The following PSMD1 variants were observed in gnomAD, a reference collection of about 807,000 sequenced individuals.
PSMD1 encodes the protein 26S proteasome non-ATPase regulatory subunit 1.
In PSMD1, 18 loss-of-function variants were observed where a neutral mutation model predicts 119.0. The observed-to-expected ratio is 0.15, with a 90% CI of 0.10 to 0.22. The LOEUF (loss-of-function observed/expected upper bound fraction) is 0.22. PSMD1 is among the 10% of genes least tolerant of loss of function. The probability of loss-of-function intolerance (pLI) is 1.00; values close to 1 mark genes in which losing one functional copy is unlikely to be tolerated. For synonymous variants in PSMD1, 374 were observed against 396.6 expected (o/e 0.94, Z 0.68); for missense variants, 702 against 1,158.5 (o/e 0.61, Z 5.72).
At chr2:231,071,265 C>G (rs1157115123) in intron 6 of PSMD1, among the ~76,000 whole-genome samples, 5 of 151,536 alleles carry the variant, frequency 3.3e-5, no homozygotes, top group African/African-American at 1.2e-4. Flanking sequence ...TGTTTTATTC[C>G]TTATCTTTTT....
intron 16 of PSMD1, among the ~76,000 whole-genome samples, chr2:231,127,303 T>C (rs1408547268): frequency 6.6e-6 from 1 of 152,000 alleles, no homozygotes; most frequent in Non-Finnish European, 1.5e-5. Context: ...AATTTAAATG[T>C]ATAAACATGT....
intron 16 of PSMD1, among the ~76,000 whole-genome samples, chr2:231,092,740 C>T (rs369088568): frequency 2.0e-5 from 3 of 152,160 alleles, no homozygotes; most frequent in African/African-American, 7.2e-5. Context: ...CCATGACAGA[C>T]CTCCCAGCCA....
intron 1 of PSMD1, among the ~76,000 whole-genome samples, chr2:231,059,033 A>C (rs956993775): frequency 2.6e-4 from 39 of 152,292 alleles, no homozygotes; most frequent in South Asian, 1.0e-3. Flanking sequence ...GCATGGCAGA[A>C]ATTCAAAAGT....
Position 231,062,749 on chromosome 2 carries a change from TC to T in PSMD1, c.304+76del, listed in dbSNP as rs1379011369. 7.2e-6 allele frequency: 9 copies of T among 1,255,852 alleles called. No homozygotes were observed. In the South Asian group the frequency reaches 2.3e-4, roughly 32 times the overall value. The allele number at this position is 1,255,852 out of a possible 1,614,324, so 77.8% of individuals were successfully genotyped here. A position where few individuals can be genotyped will look rare whatever the true frequency, so the allele number is the denominator to read the frequency against. On this transcript the variant is annotated intron_variant, in intron 4 of 24. Coordinates refer to ENST00000308696, the MANE Select transcript of PSMD1 (RefSeq NM_002807.4). ...GCTGTAGTGCACATAGAAGCTTTTT[TC>T]CTGAATTTGATGTTGCCAAATTTCA...
rs199961135 is a variant in PSMD1 at position 231,075,602 on chromosome 2, C to G, written c.942+31C>G. 3.1e-5 allele frequency: 49 copies of G among 1,593,206 alleles called. No homozygotes were observed. The Admixed American group carries it at 8.4e-4, about 27-fold the overall frequency. ...TGTGCTTTTTTTTTTTCCTTTGAGACAGGGTCCTGATCTGTCACCCAGGCT... is the reference window on the plus strand; with the variant it reads ...TGTGCTTTTTTTTTTTCCTTTGAGAGAGGGTCCTGATCTGTCACCCAGGCT... On this transcript the variant is annotated intron_variant, in intron 8 of 24. Coordinates refer to ENST00000308696, the MANE Select transcript of PSMD1 (RefSeq NM_002807.4).
chr2:231,102,896 A>T (rs7595464), intron 16 of PSMD1, among the ~76,000 whole-genome samples: 1 of 146,230 alleles, frequency 6.8e-6, no homozygotes, highest in African/African-American at 2.4e-5. Flanking sequence ...TAGCTTATTT[A>T]TTATATTTGT....
chr2:231,076,990 A>G (rs767748534), intron 8 of PSMD1, 44 bp from the exon 9 acceptor site: 2 of 1,559,762 alleles, frequency 1.3e-6, no homozygotes, highest in Non-Finnish European at 1.7e-6. Flanking sequence ...GATTATAGTA[A>G]TACTGTTTAT....
At chr2:231,075,720 A>T (rs1694146113) in intron 8 of PSMD1, 149 bp downstream of exon 8, 1 of 653,718 alleles carries the variant, frequency 1.5e-6, no homozygotes, top group Non-Finnish European at 2.6e-6. Flanking sequence ...AATGGCTGGG[A>T]TTGCAGGCAT....
At chr2:231,118,081 G>A (rs1456498431) in intron 16 of PSMD1, among the ~76,000 whole-genome samples, 1 of 152,108 alleles carries the variant, frequency 6.6e-6, no homozygotes, top group Non-Finnish European at 1.5e-5. Flanking sequence ...ATCTTGAACA[G>A]ATTACTTATC....
chr2:231,156,279 CCT>C (rs1328413203), intron 19 of PSMD1, among the ~76,000 whole-genome samples: 2 of 152,070 alleles, frequency 1.3e-5, no homozygotes, highest in South Asian at 2.1e-4. Context: ...TCCAATTTCC[CCT>C]GTTATTGGCA....
Position 231,165,889 on chromosome 2 carries a change from G to A in PSMD1, c.2587G>A (p.Glu863Lys). 1 of 1,611,848 alleles carries A rather than the reference G, an allele frequency of 6.2e-7. No individual in the cohort carries two copies. Among genetic ancestry groups the A allele is most frequent in the Non-Finnish European group, 8.5e-7 (1 of 1,178,628 alleles). The part of the protein sequence containing the change: ...KMEVDEAEKK[E>K]EKEKKKEPEP... ...TTTATAGGATGAGGCAGAGAAAAAGGAGGAAAAAGAGAAGAAAAAAGAACC... is the reference window on the plus strand; with the variant it reads ...TTTATAGGATGAGGCAGAGAAAAAGAAGGAAAAAGAGAAGAAAAAAGAACC... Residue 863 changes from glutamate (E) to lysine (K), a missense_variant, in exon 23 of 25, where the codon GAG becomes AAG. Glu to Lys is a moderately conservative substitution (Grantham distance 56, BLOSUM62 1). This residue lies in a region of PSMD1 where 152 missense variants were observed against 239.3 expected (regional missense o/e 0.64). Coordinates refer to ENST00000308696, the MANE Select transcript of PSMD1 (RefSeq NM_002807.4).
In PSMD1 at chr2:231,153,767, C is replaced by G. The variant is rs990727441; in HGVS notation, c.2218+101C>G. The G allele has an allele frequency of 1.6e-5, 13 of 829,870 alleles. No individual in the cohort carries two copies. The African/African-American group carries it at 2.3e-4, about 14-fold the overall frequency. 51.4% of individuals were successfully genotyped at this position (829,870 alleles called of 1,614,324 possible). ...GACATAATGGAAATTGAGTCTGAGG[C>G]AAATTATTCCTGGAGAAAATTTGGA... On this transcript the variant is annotated intron_variant, in intron 19 of 24. Coordinates refer to ENST00000308696, the MANE Select transcript of PSMD1 (RefSeq NM_002807.4).
intron 16 of PSMD1, chr2:231,108,434 C>A (rs1349471577): frequency 2.1e-6 from 2 of 966,162 alleles, no homozygotes. Flanking sequence ...ACATAAAATT[C>A]TTTATATAAT....
intron 19 of PSMD1, among the ~76,000 whole-genome samples, chr2:231,157,526 T>C (rs568286305): frequency 1.3e-5 from 2 of 151,760 alleles, no homozygotes; most frequent in South Asian, 4.2e-4. Flanking sequence ...CTTCTTTCTG[T>C]TTCTCTTTAT....
chr2:231,057,321 C>T (rs1035619729), intron 1 of PSMD1, among the ~76,000 whole-genome samples: 5 of 152,178 alleles, frequency 3.3e-5, no homozygotes, highest in African/African-American at 1.2e-4. Context: ...CTTCCCCTGA[C>T]CCCAGAAGGG....
intron 22 of PSMD1, 152 bp downstream of exon 22, chr2:231,165,438 G>A: frequency 9.4e-7 from 1 of 1,068,122 alleles, no homozygotes; most frequent in Non-Finnish European, 1.3e-6. Context: ...AACTGTACTT[G>A]AAAGAGACTC....
chr2:231,069,886 GA>G, intron 5 of PSMD1, 138 bp from the exon 6 acceptor site: 1 of 532,656 alleles, frequency 1.9e-6, no homozygotes, highest in Non-Finnish European at 2.9e-6. Context: ...TAAAATTCTT[GA>G]GTTTGTATTG....
intron 17 of PSMD1, among the ~76,000 whole-genome samples, chr2:231,142,031 T>G (rs1696132558): frequency 2.0e-5 from 3 of 152,074 alleles, no homozygotes; most frequent in Admixed American, 6.6e-5. Flanking sequence ...TACAGGCATG[T>G]GCCACCACAC....
At chr2:231,171,756 A>G (rs908612322) in intron 24 of PSMD1, among the ~76,000 whole-genome samples, 1 of 151,946 alleles carries the variant, frequency 6.6e-6, no homozygotes, top group Admixed American at 6.6e-5. Context: ...GGGTTTCTCC[A>G]TGTTGGTCAG....
Sources: gnomAD v4.1 joint callset for allele counts (sites outside exome capture counted in the v4.1 genomes callset) on GRCh38, gnomAD v4.1.1 for gene constraint, gnomAD v4.1.1 regional missense constraint, MANE v1.5 for transcripts, NCBI Gene and HGNC (gene_info 2026-07-23, HGNC 2026-07-21) for gene names.